FOXO3: variants seen among roughly 807,000 people sequenced by gnomAD.
FOXO3 encodes the protein forkhead box protein O3.
In FOXO3, 4 loss-of-function variants were observed where a neutral mutation model predicts 41.9. The ratio of observed to expected loss-of-function variants is 0.10; its 90% confidence interval spans 0.05 to 0.22. The LOEUF is 0.22. Ranked by LOEUF, FOXO3 falls within the 10% of genes least tolerant of loss-of-function variation. The probability of loss-of-function intolerance (pLI) is 1.00; values close to 1 mark genes in which losing one functional copy is unlikely to be tolerated. For missense variants in FOXO3, 534 were observed against 906.8 expected, an observed-to-expected ratio of 0.59 and a Z score of 5.28; for synonymous variants, 318 against 389.3, an observed-to-expected ratio of 0.82 and a Z score of 2.16.
chr6:108,667,637 T>G (rs1779101551), intron 2 of FOXO3, among the ~76,000 whole-genome samples: 1 of 152,234 alleles, frequency 6.6e-6, no homozygotes, highest in Non-Finnish European at 1.5e-5. Flanking sequence ...TTTTAAAGTT[T>G]ATCTGGTGAA....
intron 1 of FOXO3, among the ~76,000 whole-genome samples, chr6:108,656,165 C>T (rs1582820348): frequency 8.2e-6 from 1 of 121,632 alleles, no homozygotes. Context: ...AGGGGGTTGT[C>T]TTTAAAGAAA....
At chr6:108,666,878 GC>G (rs1412495929) in intron 2 of FOXO3, among the ~76,000 whole-genome samples, 2 of 152,144 alleles carry the variant, frequency 1.3e-5, no homozygotes, top group African/African-American at 2.4e-5. Flanking sequence ...TCTGTTCCGT[GC>G]CCCAGCCCTT....
intron 1 of FOXO3, among the ~76,000 whole-genome samples, chr6:108,577,550 C>G (rs1349920506): frequency 6.6e-6 from 1 of 152,274 alleles, no homozygotes; most frequent in East Asian, 1.9e-4. Flanking sequence ...TTAGAATCAC[C>G]TGGAGAGCTT....
At chr6:108,630,764 T>TA (rs1562250737) in intron 1 of FOXO3, among the ~76,000 whole-genome samples, 2 of 152,074 alleles carry the variant, frequency 1.3e-5, no homozygotes, top group East Asian at 1.9e-4. Context: ...TTAAGTATTT[T>TA]TAAAAAAAAG....
At chr6:108,582,953 C>A (rs1776471755) in intron 1 of FOXO3, among the ~76,000 whole-genome samples, 1 of 152,140 alleles carries the variant, frequency 6.6e-6, no homozygotes, top group South Asian at 2.1e-4. Flanking sequence ...CAAATTAATG[C>A]CAAATTGATG....
chr6:108,595,595 G>A (rs115202803), intron 1 of FOXO3, among the ~76,000 whole-genome samples: 6 of 152,234 alleles, frequency 3.9e-5, no homozygotes, highest in African/African-American at 1.4e-4. Flanking sequence ...TTTCTGGAAG[G>A]AAGGCGATTT....
intron 1 of FOXO3, among the ~76,000 whole-genome samples, chr6:108,563,282 G>A (rs1156988944): frequency 6.6e-6 from 1 of 152,174 alleles, no homozygotes; most frequent in African/African-American, 2.4e-5. Context: ...AGCAAAACAC[G>A]TGTGCTTTGA....
In FOXO3 at chr6:108,580,747, A is replaced by G. The variant is rs192680628; in HGVS notation, c.621+18918A>G. 1.0e-3 allele frequency among the ~76,000 whole-genome samples: 154 copies of G among 152,342 alleles called. 1 individual carries two copies. The highest frequency in any genetic ancestry group is 9.5e-3 in the South Asian group (46 of 4,830). On this transcript the variant is annotated intron_variant, in intron 1 of 2. Transcript: ENST00000406360. ...AGAAAGGGAGTTTGCATGATCCGTTAGAATTGTAGATGTGTTCTACGTAGC... is the reference window on the plus strand; with the variant it reads ...AGAAAGGGAGTTTGCATGATCCGTTGGAATTGTAGATGTGTTCTACGTAGC...
At chr6:108,645,520 C>A (rs1028581690) in intron 1 of FOXO3, among the ~76,000 whole-genome samples, 2 of 149,606 alleles carry the variant, frequency 1.3e-5, no homozygotes, top group Non-Finnish European at 3.0e-5. Context: ...ATAGCCTCAT[C>A]ATAATATAGC....
intron 1 of FOXO3, among the ~76,000 whole-genome samples, chr6:108,587,286 CTG>C (rs1443240408): frequency 6.6e-6 from 1 of 152,088 alleles, no homozygotes; most frequent in Admixed American, 6.5e-5. Context: ...ACCAGGGTCT[CTG>C]TTGCTCACAA....
chr6:108,588,358 T>C (rs1776643793), intron 1 of FOXO3, among the ~76,000 whole-genome samples: 1 of 152,168 alleles, frequency 6.6e-6, no homozygotes. Flanking sequence ...AGCTAAACTG[T>C]ATGAAAAATC....
intron 1 of FOXO3, among the ~76,000 whole-genome samples, chr6:108,612,121 T>G (rs1296579573): frequency 6.6e-6 from 1 of 152,252 alleles, no homozygotes; most frequent in African/African-American, 2.4e-5. Flanking sequence ...CTAGTCATCT[T>G]TAATTTCTCT....
chr6:108,630,017 A>G (rs190594554), intron 1 of FOXO3, among the ~76,000 whole-genome samples: 244 of 152,356 alleles, frequency 1.6e-3, no homozygotes, highest in Non-Finnish European at 2.7e-3. Flanking sequence ...GTTTTTAAAC[A>G]TGACCAGTTC....
chr6:108,652,975 C>T (rs2128383197), intron 1 of FOXO3, among the ~76,000 whole-genome samples: 1 of 152,326 alleles, frequency 6.6e-6, no homozygotes, highest in South Asian at 2.1e-4. Context: ...GAGTAGCACA[C>T]ACCCTATCAG....
upstream of FOXO3, chr6:108,560,718 G>C (rs557148213): frequency 1.7e-4 from 37 of 214,050 alleles, no homozygotes; most frequent in African/African-American, 8.4e-4. Context: ...CTCGGGCTCT[G>C]ACCGCGGCTC....
chr6:108,581,449 A>G (rs1191521231), intron 1 of FOXO3, among the ~76,000 whole-genome samples: 3 of 152,168 alleles, frequency 2.0e-5, no homozygotes, highest in Admixed American at 6.5e-5. Context: ...CCGTTACAAA[A>G]TTTCTTCAAA....
At chr6:108,608,371 C>T (rs1405183213) in intron 1 of FOXO3, among the ~76,000 whole-genome samples, 1 of 152,108 alleles carries the variant, frequency 6.6e-6, no homozygotes, top group Non-Finnish European at 1.5e-5. Context: ...GTAGTTCTGC[C>T]AAAGAGGCTA....
At chr6:108,615,955 C>A (rs983330830) in intron 1 of FOXO3, among the ~76,000 whole-genome samples, 2 of 151,630 alleles carry the variant, frequency 1.3e-5, no homozygotes, top group Middle Eastern at 3.4e-3. Flanking sequence ...GCCTTTTTTC[C>A]CTCTACCTTC....
intron 1 of FOXO3, among the ~76,000 whole-genome samples, chr6:108,634,399 G>A (rs1778058800): frequency 1.3e-5 from 2 of 152,142 alleles, no homozygotes; most frequent in African/African-American, 4.8e-5. Flanking sequence ...AAGGGTCAGG[G>A]ATGATGACCC....
Sources: allele counts gnomAD v4.1 joint callset (sites outside exome capture counted in the v4.1 genomes callset), GRCh38; gene constraint gnomAD v4.1.1; transcripts MANE v1.5; gene names NCBI Gene and HGNC (gene_info 2026-07-23, HGNC 2026-07-21).